Variants in CLINT1 observed in about 807,000 individuals in gnomAD.
CLINT1 encodes clathrin interacting protein localized in the trans-Golgi region.
A neutral mutation model predicts 70.4 loss-of-function variants in CLINT1; 15 were observed. The ratio of observed to expected loss-of-function variants is 0.21; its 90% confidence interval spans 0.14 to 0.33. The LOEUF is 0.33. CLINT1 is among the 10% of genes least tolerant of loss of function. The probability of loss-of-function intolerance (pLI) is 1.00; values close to 1 mark genes in which losing one functional copy is unlikely to be tolerated. For missense variants in CLINT1, 615 were observed against 778.1 expected (o/e 0.79, Z 2.49); for synonymous variants, 227 against 254.7 (o/e 0.89, Z 1.04).
chr5:157,852,779 C>A (rs1753617348), intron 1 of CLINT1, among the ~76,000 whole-genome samples: 1 of 152,132 alleles, frequency 6.6e-6, no homozygotes, highest in South Asian at 2.1e-4. Flanking sequence ...CTGGAGGCAC[C>A]TAAGTATAGT....
chr5:157,843,902 T>C (rs191313681), intron 1 of CLINT1, among the ~76,000 whole-genome samples: 72 of 152,288 alleles, frequency 4.7e-4, no homozygotes, highest in Admixed American at 3.0e-3. Flanking sequence ...GTATCATCTA[T>C]AGATTTTCTT....
chr5:157,849,797 T>C (rs964423395), intron 1 of CLINT1, among the ~76,000 whole-genome samples: 4 of 152,200 alleles, frequency 2.6e-5, no homozygotes, highest in African/African-American at 9.6e-5. Flanking sequence ...ATTAGAAATA[T>C]CTGGATTTAA....
At chr5:157,844,605 A>G (rs1753306715) in intron 1 of CLINT1, among the ~76,000 whole-genome samples, 1 of 152,246 alleles carries the variant, frequency 6.6e-6, no homozygotes, top group Non-Finnish European at 1.5e-5. Flanking sequence ...TATGCCAGAA[A>G]TATAGTACTT....
chr5:157,833,168 C>T (rs959478946), intron 1 of CLINT1, among the ~76,000 whole-genome samples: 16 of 152,054 alleles, frequency 1.1e-4, no homozygotes, highest in Admixed American at 4.6e-4. Context: ...CTGGCCAACA[C>T]GGTGAAACCC....
chr5:157,846,639 C>T (rs1230012953), intron 1 of CLINT1, among the ~76,000 whole-genome samples: 3 of 152,226 alleles, frequency 2.0e-5, no homozygotes, highest in African/African-American at 7.2e-5. Context: ...AACAGATTTT[C>T]AATGGAGATG....
chr5:157,789,366 G>A lies in CLINT1; in HGVS notation c.1528C>T (p.Gln510Ter). The A allele has an allele frequency of 6.2e-7, 1 of 1,613,772 alleles. No homozygotes were observed. Among genetic ancestry groups the A allele is most frequent in the Non-Finnish European group, 8.5e-7 (1 of 1,179,674 alleles). ...QPSLNTMIQQ[Q>*]NMQQPMNVMT... is the part of the protein sequence containing the mutation. ...GGGACGTCTTAAGGTAACTTACTCTGTTGCTGAATCATTGTATTCAGTGAT... is the reference window on the plus strand; with the variant it reads ...GGGACGTCTTAAGGTAACTTACTCTATTGCTGAATCATTGTATTCAGTGAT... The change falls in exon 11 of 12, where the codon CAG (glutamine) becomes TAG (stop). Residue 510 changes from glutamine to a stop codon, truncating the protein, a stop_gained. Transcript: ENST00000411809. LOFTEE classifies it high-confidence loss of function.
chr5:157,845,297 CGA>C (rs978691921), intron 1 of CLINT1, among the ~76,000 whole-genome samples: 29 of 151,700 alleles, frequency 1.9e-4, no homozygotes, highest in Non-Finnish European at 2.8e-4. Flanking sequence ...TGCAGTGAGC[CGA>C]GATCATGCCA....
rs765629682 is a variant in CLINT1 at position 157,816,840 on chromosome 5, G to T, written c.147-10C>A. 2 of 1,586,204 alleles carry T rather than the reference G, an allele frequency of 1.3e-6. No individual in the cohort carries two copies. The highest frequency in any genetic ancestry group is 1.7e-6 in the Non-Finnish European group (2 of 1,163,610). On this transcript the variant is annotated splice_polypyrimidine_tract_variant and intron_variant, in intron 2 of 11. Transcript: ENST00000411809. ...ATACATAAATGTAGCCCTGAAAAAA[G>T]AATCATTCTTTAAGAGTCTGCAATA...
chr5:157,844,255 C>T (rs769515931), intron 1 of CLINT1, among the ~76,000 whole-genome samples: 33 of 152,224 alleles, frequency 2.2e-4, no homozygotes, highest in Non-Finnish European at 4.4e-4. Flanking sequence ...AAAAAAGAAA[C>T]ATTTATATCT....
At chr5:157,789,674 T>A (rs1265404972) in intron 10 of CLINT1, 161 bp from the exon 11 acceptor site, 6 of 871,520 alleles carry the variant, frequency 6.9e-6, no homozygotes, top group Non-Finnish European at 1.1e-5. Flanking sequence ...GAACCACTAA[T>A]GTTCTATGCT....
intron 7 of CLINT1, 65 bp downstream of exon 7, chr5:157,805,801 G>A: frequency 6.3e-7 from 1 of 1,587,728 alleles, no homozygotes; most frequent in Non-Finnish European, 8.6e-7. Flanking sequence ...TACTAATGCA[G>A]GAATTCGAAG....
intron 5 of CLINT1, among the ~76,000 whole-genome samples, chr5:157,812,838 T>C (rs1762604225): frequency 6.6e-6 from 1 of 152,216 alleles, no homozygotes; most frequent in Admixed American, 6.5e-5. Context: ...ATGCAGTCAT[T>C]TAATTAGCCA....
chr5:157,808,680 G>A (rs375024136), intron 6 of CLINT1, among the ~76,000 whole-genome samples: 1 of 152,038 alleles, frequency 6.6e-6, no homozygotes, highest in South Asian at 2.1e-4. Context: ...AAAGCTCAAA[G>A]TATTGTTCCA....
intron 1 of CLINT1, among the ~76,000 whole-genome samples, chr5:157,850,270 C>T (rs146825034): frequency 5.2e-4 from 79 of 152,238 alleles, no homozygotes; most frequent in African/African-American, 1.9e-3. Flanking sequence ...GAGAAACAGG[C>T]CATCCTTCAA....
chr5:157,833,168 C>G (rs959478946), intron 1 of CLINT1, among the ~76,000 whole-genome samples: 2 of 151,936 alleles, frequency 1.3e-5, no homozygotes, highest in Admixed American at 6.6e-5. Flanking sequence ...CTGGCCAACA[C>G]GGTGAAACCC....
intron 1 of CLINT1, among the ~76,000 whole-genome samples, chr5:157,839,477 C>A (rs747887316): frequency 2.6e-5 from 4 of 151,942 alleles, no homozygotes; most frequent in Non-Finnish European, 5.9e-5. Context: ...AGCAGGCAGG[C>A]ACCTGTAATC....
chr5:157,829,531 C>CT (rs146717978), intron 1 of CLINT1, among the ~76,000 whole-genome samples: 2,848 of 151,444 alleles, frequency 0.019, 87 homozygotes, highest in African/African-American at 0.065. Context: ...AGATAATGCA[C>CT]TTTTTTTTGA....
intron 1 of CLINT1, among the ~76,000 whole-genome samples, chr5:157,856,972 T>C (rs1753778466): frequency 6.6e-6 from 1 of 152,212 alleles, no homozygotes. Context: ...ATTGCCTCGA[T>C]TTCTGTCTTA....
intron 9 of CLINT1, among the ~76,000 whole-genome samples, chr5:157,792,692 A>T (rs974670505): frequency 1.3e-5 from 2 of 152,256 alleles, no homozygotes; most frequent in Non-Finnish European, 2.9e-5. Context: ...ATTAAAAAAC[A>T]CAACCAAGCC....
Sources: allele counts gnomAD v4.1 joint callset (sites outside exome capture counted in the v4.1 genomes callset), GRCh38; gene constraint gnomAD v4.1.1; transcripts MANE v1.5; gene names NCBI Gene and HGNC (gene_info 2026-07-23, HGNC 2026-07-21).